The following ARHGAP25 variants were observed in gnomAD, a reference collection of about 807,000 sequenced individuals.
The protein encoded by ARHGAP25 is rho GTPase-activating protein 25.
A neutral mutation model predicts 71.0 loss-of-function variants in ARHGAP25; 34 were observed. The ratio of observed to expected loss-of-function variants is 0.48; its 90% CI spans 0.36 to 0.64. The LOEUF (loss-of-function observed/expected upper bound fraction) is 0.64. Ranked by LOEUF, ARHGAP25 falls within the 30% of genes least tolerant of loss-of-function variation. The pLI is 0.00. For missense variants in ARHGAP25, 706 were observed against 805.1 expected, an observed-to-expected ratio of 0.88 and a Z score of 1.49; for synonymous variants, 282 against 296.5, an observed-to-expected ratio of 0.95 and a Z score of 0.50.
intron 4 of ARHGAP25, 145 bp from the exon 5 acceptor site, chr2:68,807,128 A>G: frequency 4.0e-6 from 3 of 744,704 alleles, no homozygotes; most frequent in South Asian, 3.5e-5. Flanking sequence ...AGCTTCAGGA[A>G]ATATTCTGAG....
rs1304763288 is a variant in ARHGAP25, at chr2:68,775,237, G to A, written c.78G>A (p.Val26=). 1 of 1,614,268 alleles carries A rather than the reference G, an allele frequency of 6.2e-7. No homozygotes were observed. Among genetic ancestry groups the A allele is most frequent in the Non-Finnish European group, 8.5e-7 (1 of 1,180,052 alleles). Residue 26 remains valine (V), a synonymous_variant, in exon 2 of 11, where the codon GTG becomes GTA. Transcript: ENST00000409202. ...EAAKIARSRS[V]MTGEQMAAFH... The stretch of plus-strand genomic sequence containing the variant: ...TCTCTATAGCTCGGTCAAGGAGTGT[G>A]ATGACTGGCGAGCAGATGGCTGCCT...
In ARHGAP25 at chr2:68,722,577, G is replaced by GAA. The variant is rs111862772; in HGVS notation, c.-18+11893_-18+11894dup. 7.0e-3 allele frequency among the ~76,000 whole-genome samples: 960 copies of GAA among 137,546 alleles called. 14 individuals carry two copies. Among genetic ancestry groups the GAA allele is most frequent in the African/African-American group, 0.021 (772 of 37,462 alleles). 90.2% of individuals were successfully genotyped at this position (137,546 alleles called of 152,430 possible). On this transcript the variant is annotated intron_variant and NMD_transcript_variant, in intron 2 of 7. Transcript: ENST00000463483. ...TGGATGACAGAGCGAGACCCTGTCT[G>GAA]AAAAAAAAAAAAAAAGAATTTGCTA...
chr2:68,746,960 A>G (rs1456061498), intron 1 of ARHGAP25, among the ~76,000 whole-genome samples: 1 of 143,648 alleles, frequency 7.0e-6, no homozygotes, highest in Non-Finnish European at 1.5e-5. Context: ...GTGAGCCGAG[A>G]TTGGGCCACT....
intron 1 of ARHGAP25, among the ~76,000 whole-genome samples, chr2:68,773,615 C>G (rs72899810): frequency 6.6e-6 from 1 of 152,136 alleles, no homozygotes; most frequent in Non-Finnish European, 1.5e-5. Flanking sequence ...GCGATGGACT[C>G]ATGTAACAAA....
At chr2:68,808,433 G>A (rs977030119) in intron 5 of ARHGAP25, among the ~76,000 whole-genome samples, 6 of 152,062 alleles carry the variant, frequency 3.9e-5, no homozygotes, top group South Asian at 2.1e-4. Context: ...CACCAACGCC[G>A]CCCATTTTTC....
intron 1 of ARHGAP25, among the ~76,000 whole-genome samples, chr2:68,744,368 G>A (rs1675691818): frequency 1.3e-5 from 2 of 152,104 alleles, no homozygotes; most frequent in Non-Finnish European, 2.9e-5. Flanking sequence ...TCCCTTCTGC[G>A]AGATTGTACC....
chr2:68,763,665 T>G (rs1676956374), intron 1 of ARHGAP25, among the ~76,000 whole-genome samples: 1 of 152,204 alleles, frequency 6.6e-6, no homozygotes, highest in South Asian at 2.1e-4. Context: ...ATTCTTGCAT[T>G]CCTGGAATAT....
At chr2:68,724,320 A>G (rs937998288) in intron 2 of ARHGAP25, among the ~76,000 whole-genome samples, 3 of 151,962 alleles carry the variant, frequency 2.0e-5, no homozygotes, top group African/African-American at 7.3e-5. Context: ...AACTCTCTAA[A>G]CATCTGGTCT....
chr2:68,807,618 T>C (rs1217384355), intron 5 of ARHGAP25, 138 bp downstream of exon 5: 2 of 857,922 alleles, frequency 2.3e-6, no homozygotes, highest in Non-Finnish European at 3.6e-6. Context: ...GAAAGAGCCT[T>C]TGTTTCGCCC....
At chr2:68,776,123 C>T (rs892858956) in intron 2 of ARHGAP25, among the ~76,000 whole-genome samples, 4 of 151,726 alleles carry the variant, frequency 2.6e-5, no homozygotes, top group Admixed American at 1.3e-4. Flanking sequence ...AGAGAACGGC[C>T]GGTGCTAAGG....
intron 1 of ARHGAP25, among the ~76,000 whole-genome samples, chr2:68,750,450 G>A (rs1025582557): frequency 6.6e-6 from 1 of 151,780 alleles, no homozygotes. Flanking sequence ...AGCCTCCCAA[G>A]TAGCTGGGAC....
intron 9 of ARHGAP25, among the ~76,000 whole-genome samples, chr2:68,821,843 TGAA>T (rs757691465): frequency 1.0e-3 from 155 of 152,134 alleles, no homozygotes; most frequent in Non-Finnish European, 2.0e-3. Flanking sequence ...ACAATTTTTA[TGAA>T]CTTTATCTAT....
Position 68,822,371 on chromosome 2 carries a change from G to C in ARHGAP25, c.1232G>C (p.Gly411Ala), listed in dbSNP as rs1300944718. ...GACTCTGATACAACCAGCCCCACCG[G>C]ACAGCAGCCGAGCGATGCGTTTCCG... ...TSDSDTTSPT[G>A]QQPSDAFPED... Residue 411 changes from glycine to alanine, a missense_variant, in exon 10 of 11, where the codon GGA (glycine) becomes GCA (alanine). Transcript: ENST00000409202. 2 of 1,614,104 alleles carry C rather than the reference G, an allele frequency of 1.2e-6. No homozygotes were observed. Among genetic ancestry groups the C allele is most frequent in the South Asian group, 2.2e-5 (2 of 91,080 alleles).
At position 68,825,463 on chromosome 2, in the gene ARHGAP25, G is replaced by T. The variant is rs1414404747; in HGVS notation, c.1734-524G>T. ...AAAACACAATAGATGTCACAAGATG[G>T]TGTTAAATGACAAATGAGGGGGCTG... On this transcript the variant is annotated intron_variant, in intron 10 of 10. Coordinates refer to ENST00000409202, the MANE Select transcript of ARHGAP25 (RefSeq NM_001007231.3). 2.6e-5 allele frequency among the ~76,000 whole-genome samples: 4 copies of T among 152,078 alleles called. No homozygotes were observed. The South Asian group carries it at 6.2e-4, about 24-fold the overall frequency.
At chr2:68,811,158 G>A (rs911606247) in intron 5 of ARHGAP25, among the ~76,000 whole-genome samples, 4 of 152,208 alleles carry the variant, frequency 2.6e-5, no homozygotes, top group Non-Finnish European at 2.9e-5. Context: ...AGTGGGCAGA[G>A]TATAGAATGC....
chr2:68,816,255 G>A, intron 6 of ARHGAP25, 34 bp from the exon 7 acceptor site: 1 of 1,562,652 alleles, frequency 6.4e-7, no homozygotes, highest in South Asian at 1.1e-5. Context: ...CTCATTTACT[G>A]GTAAATGATT....
chr2:68,725,532 G>A (rs1674863375), intron 2 of ARHGAP25, among the ~76,000 whole-genome samples: 2 of 151,932 alleles, frequency 1.3e-5, no homozygotes, highest in Admixed American at 6.6e-5. Flanking sequence ...GGCCTCAACT[G>A]TGTTGACCAA....
chr2:68,806,528 C>G (rs1433444893), intron 4 of ARHGAP25, among the ~76,000 whole-genome samples: 2 of 152,154 alleles, frequency 1.3e-5, no homozygotes, highest in African/African-American at 4.8e-5. Context: ...ACTGAGACAA[C>G]TACTAAGTAT....
At chr2:68,780,310 T>C (rs931585748) in intron 2 of ARHGAP25, among the ~76,000 whole-genome samples, 6 of 152,228 alleles carry the variant, frequency 3.9e-5, no homozygotes, top group Admixed American at 3.3e-4. Flanking sequence ...GAGAGGTACT[T>C]AGGGGAGGCA....
Sources: allele counts gnomAD v4.1 joint callset (sites outside exome capture counted in the v4.1 genomes callset), GRCh38; gene constraint gnomAD v4.1.1; transcripts MANE v1.5; gene names NCBI Gene and HGNC (gene_info 2026-07-23, HGNC 2026-07-21).